Variants in SDK1 observed in about 807,000 individuals in gnomAD.
SDK1 encodes the protein protein sidekick-1.
SDK1 carries 157 observed loss-of-function variants against 245.5 expected under a neutral mutation model. The ratio of observed to expected loss-of-function variants is 0.64; its 90% CI spans 0.56 to 0.73. The LOEUF (loss-of-function observed/expected upper bound fraction) is 0.73. Ranked by LOEUF, SDK1 falls within the 30% of genes least tolerant of loss-of-function variation. SDK1 has a pLI of 0.00. For missense variants in SDK1, 3,583 were observed against 3,002.3 expected (o/e 1.19, Z -4.52); for synonymous variants, 1,647 against 1,278.5 (o/e 1.29, Z -6.15).
intron 5 of SDK1, among the ~76,000 whole-genome samples, chr7:3,854,453 C>A (rs919975129): frequency 6.6e-6 from 1 of 152,172 alleles, no homozygotes; most frequent in African/African-American, 2.4e-5. Flanking sequence ...CATTTCCTTA[C>A]CTGAAATCTC....
intron 1 of SDK1, among the ~76,000 whole-genome samples, chr7:3,383,180 G>C (rs956659071): frequency 4.6e-5 from 7 of 152,214 alleles, no homozygotes; most frequent in African/African-American, 1.7e-4. Context: ...GAAAGGCTGA[G>C]GTGGGGGGAT....
chr7:4,126,833 T>C (rs900685191), intron 25 of SDK1, among the ~76,000 whole-genome samples: 1 of 152,192 alleles, frequency 6.6e-6, no homozygotes, highest in Non-Finnish European at 1.5e-5. Flanking sequence ...TTCTGATCGG[T>C]AGAAAAGGGG....
intron 4 of SDK1, among the ~76,000 whole-genome samples, chr7:3,721,618 G>A (rs1160220163): frequency 6.6e-6 from 1 of 152,152 alleles, no homozygotes; most frequent in Non-Finnish European, 1.5e-5. Flanking sequence ...CTCTAACCAG[G>A]CATCAGCTAT....
chr7:3,743,667 C>A (rs1293875827), intron 4 of SDK1, among the ~76,000 whole-genome samples: 1 of 152,128 alleles, frequency 6.6e-6, no homozygotes, highest in Non-Finnish European at 1.5e-5. Context: ...CCAGAAACTG[C>A]TTAGTGCTGG....
intron 4 of SDK1, among the ~76,000 whole-genome samples, chr7:3,791,362 G>A (rs944414415): frequency 6.6e-6 from 1 of 152,128 alleles, no homozygotes; most frequent in Non-Finnish European, 1.5e-5. Flanking sequence ...TCGGGGCTCC[G>A]TATTTTACAA....
rs1009778383 is a variant in SDK1, at chr7:3,572,645, T to C, written c.299-46435T>C. On this transcript the variant is annotated intron_variant, in intron 1 of 44. Coordinates refer to ENST00000404826, the MANE Select transcript of SDK1 (RefSeq NM_152744.4). ...TCTGACGAGCTTTACTCAGTGAAGA[T>C]AGGCAACTATTCAGTCATCTATTTG... Among the ~76,000 whole-genome samples the C allele has an allele frequency of 7.2e-5, 11 of 152,170 alleles. No homozygotes were observed. In the South Asian group the frequency reaches 1.9e-3, roughly 26 times the overall value.
chr7:4,102,846 C>G (rs1782647546), intron 22 of SDK1, among the ~76,000 whole-genome samples: 1 of 152,046 alleles, frequency 6.6e-6, no homozygotes, highest in African/African-American at 2.4e-5. Flanking sequence ...AGACAGCTCC[C>G]CTAATGGGCC....
chr7:3,854,993 C>T (rs777506865), intron 5 of SDK1, among the ~76,000 whole-genome samples: 1 of 152,152 alleles, frequency 6.6e-6, no homozygotes, highest in Non-Finnish European at 1.5e-5. Context: ...TCTACAGTGT[C>T]CTCCAGACCC....
chr7:3,625,857 C>G (rs781776315), intron 2 of SDK1, among the ~76,000 whole-genome samples: 1 of 151,972 alleles, frequency 6.6e-6, no homozygotes, highest in Non-Finnish European at 1.5e-5. Flanking sequence ...CATAAAGCTA[C>G]TCAGGGCTGC....
chr7:3,754,070 T>G (rs2115068250), intron 4 of SDK1, among the ~76,000 whole-genome samples: 1 of 152,320 alleles, frequency 6.6e-6, no homozygotes, highest in Non-Finnish European at 1.5e-5. Flanking sequence ...TGGAAATTGG[T>G]TGTAAAAGAT....
At chr7:3,436,076 T>C (rs766352054) in intron 1 of SDK1, among the ~76,000 whole-genome samples, 2 of 152,224 alleles carry the variant, frequency 1.3e-5, no homozygotes, top group Non-Finnish European at 2.9e-5. Flanking sequence ...CCATGATTGT[T>C]CAAAATAGGT....
At chr7:3,888,150 T>TGCC (rs1482850544) in intron 5 of SDK1, among the ~76,000 whole-genome samples, 17 of 152,354 alleles carry the variant, frequency 1.1e-4, no homozygotes, top group Non-Finnish European at 4.4e-5. Flanking sequence ...GAATGATAGA[T>TGCC]GCCGCACCTT....
chr7:3,713,195 C>G (rs570897293), intron 4 of SDK1, among the ~76,000 whole-genome samples: 1 of 152,134 alleles, frequency 6.6e-6, no homozygotes, highest in Non-Finnish European at 1.5e-5. Flanking sequence ...GGCTGCTCAG[C>G]GAATTGATGG....
chr7:3,906,497 C>G (rs1778940358), intron 5 of SDK1, among the ~76,000 whole-genome samples: 1 of 151,878 alleles, frequency 6.6e-6, no homozygotes, highest in Non-Finnish European at 1.5e-5. Context: ...CTGTGCCTTA[C>G]CATCAAATGG....
intron 4 of SDK1, among the ~76,000 whole-genome samples, chr7:3,724,210 C>T (rs1419568603): frequency 6.6e-6 from 1 of 151,960 alleles, no homozygotes; most frequent in Non-Finnish European, 1.5e-5. Flanking sequence ...GGTGATCCAC[C>T]CACCTTGGCC....
At chr7:3,429,950 C>G (rs1458234527) in intron 1 of SDK1, among the ~76,000 whole-genome samples, 1 of 152,174 alleles carries the variant, frequency 6.6e-6, no homozygotes, top group Non-Finnish European at 1.5e-5. Context: ...AAAGCCTATC[C>G]GTATGTGTCT....
chr7:3,657,189 A>G, intron 4 of SDK1, among the ~76,000 whole-genome samples: 1 of 152,182 alleles, frequency 6.6e-6, no homozygotes, highest in East Asian at 1.9e-4. Context: ...CACCCAGGGC[A>G]TTCGTGCACC....
intron 1 of SDK1, among the ~76,000 whole-genome samples, chr7:3,591,944 A>C (rs1780888670): frequency 6.6e-6 from 1 of 152,232 alleles, no homozygotes; most frequent in Non-Finnish European, 1.5e-5. Flanking sequence ...ACAAAAGGTG[A>C]CTTCTCTTAG....
At chr7:3,863,764 A>T (rs951372635) in intron 5 of SDK1, among the ~76,000 whole-genome samples, 1 of 152,200 alleles carries the variant, frequency 6.6e-6, no homozygotes, top group African/African-American at 2.4e-5. Flanking sequence ...AGTTGTCAGA[A>T]TTCCTTCCCT....
Sources: allele counts gnomAD v4.1 joint callset (sites outside exome capture counted in the v4.1 genomes callset), GRCh38; gene constraint gnomAD v4.1.1; transcripts MANE v1.5; gene names NCBI Gene and HGNC (gene_info 2026-07-23, HGNC 2026-07-21).